Variants in MED15 observed in about 807,000 individuals in gnomAD.
MED15 encodes mediator of RNA polymerase II transcription subunit 15.
In MED15, 41 loss-of-function variants were observed where a neutral mutation model predicts 118.7. That is an observed-to-expected ratio of 0.35 (90% CI 0.27 to 0.45). The LOEUF (loss-of-function observed/expected upper bound fraction) is 0.45, where lower values mean the gene tolerates loss of function less well. MED15 is among the 20% of genes least tolerant of loss of function. The pLI is 1.00. For synonymous variants in MED15, 436 were observed against 413.9 expected, an observed-to-expected ratio of 1.05 and a Z score of -0.65; for missense variants, 740 against 1,025.5, an observed-to-expected ratio of 0.72 and a Z score of 3.80.
At chr22:20,574,073 C>T (rs1569240580) in intron 8 of MED15, 1 of 152,302 alleles carries the variant, frequency 6.6e-6, no homozygotes, top group Non-Finnish European at 1.5e-5. Context: ...AGCCACTCTC[C>T]TGCTGGAGCT....
chr22:20,519,073 C>T (rs1016936477), intron 1 of MED15: 2 of 335,136 alleles, frequency 6.0e-6, no homozygotes, highest in African/African-American at 4.4e-5. Context: ...AGGCTGGTCT[C>T]CAACTCCTGG....
intron 1 of MED15, among the ~76,000 whole-genome samples, chr22:20,520,119 C>T (rs1218765542): frequency 6.6e-6 from 1 of 152,146 alleles, no homozygotes; most frequent in Non-Finnish European, 1.5e-5. Flanking sequence ...GGCAGGGGAC[C>T]AGCAAGGCCC....
chr22:20,531,086 C>T (rs1254523415), intron 1 of MED15, among the ~76,000 whole-genome samples: 1 of 152,164 alleles, frequency 6.6e-6, no homozygotes, highest in Non-Finnish European at 1.5e-5. Context: ...GATAGGGAGG[C>T]GCTGCCAGAT....
At position 20,566,481 on chromosome 22, in the gene MED15, A is replaced by ACAG. The variant is rs775463883; in HGVS notation, c.710_712dup (p.Gln237dup). 7.4e-6 allele frequency: 12 copies of ACAG among 1,611,510 alleles called. No homozygotes were observed. Among genetic ancestry groups the ACAG allele is most frequent in the Non-Finnish European group, 1.0e-5 (12 of 1,179,200 alleles). On this transcript the variant is annotated inframe_insertion, in exon 7 of 18. Transcript: ENST00000263205. Reference sequence around the variant, plus strand: ...TCTGTCTCTAGATACAGCAGCAGCAACAGCAGCTGCAGCGAATAGCACAGC... The same window carrying ACAG: ...TCTGTCTCTAGATACAGCAGCAGCAACAGCAGCAGCTGCAGCGAATAGCACAGC...
chr22:20,517,915 C>T (rs2054309855), intron 1 of MED15, among the ~76,000 whole-genome samples: 1 of 152,152 alleles, frequency 6.6e-6, no homozygotes, highest in Non-Finnish European at 1.5e-5. Flanking sequence ...ATGTCGATTT[C>T]CTCCAAGGGC....
At chr22:20,512,514 G>T (rs1375459551) in intron 1 of MED15, among the ~76,000 whole-genome samples, 1 of 151,136 alleles carries the variant, frequency 6.6e-6, no homozygotes, top group Admixed American at 6.6e-5. Context: ...TACCTATGAA[G>T]CTTGGTACCT....
At chr22:20,526,912 C>T (rs1315787697) in intron 1 of MED15, among the ~76,000 whole-genome samples, 1 of 152,166 alleles carries the variant, frequency 6.6e-6, no homozygotes, top group Admixed American at 6.5e-5. Context: ...GTGATTTATT[C>T]CCTCATTCTG....
chr22:20,526,525 C>T (rs1036200367), intron 1 of MED15, among the ~76,000 whole-genome samples: 10 of 152,312 alleles, frequency 6.6e-5, no homozygotes, highest in African/African-American at 2.4e-4. Context: ...ATATTCACAG[C>T]TGAGCATAGT....
At chr22:20,583,699 C>G (rs750598322) in intron 13 of MED15, 4 of 398,336 alleles carry the variant, frequency 1.0e-5, no homozygotes, top group Non-Finnish European at 1.9e-5. Context: ...ATCAGCTGGC[C>G]CAGATGGGCC....
At chr22:20,537,037 A>T (rs1170527830) in intron 1 of MED15, 80 bp from the exon 2 acceptor site, 17 of 1,333,632 alleles carry the variant, frequency 1.3e-5, no homozygotes, top group Non-Finnish European at 1.4e-5. Context: ...GGCAGCTGCT[A>T]TGCAGGGCCT....
chr22:20,513,302 C>T (rs1186767988), intron 1 of MED15, among the ~76,000 whole-genome samples: 1 of 145,628 alleles, frequency 6.9e-6, no homozygotes, highest in Non-Finnish European at 1.5e-5. Context: ...TTTTTTGAGA[C>T]GGAGTCTCGC....
chr22:20,550,793 A>G (rs2055736624), intron 2 of MED15, among the ~76,000 whole-genome samples: 1 of 152,274 alleles, frequency 6.6e-6, no homozygotes, highest in African/African-American at 2.4e-5. Flanking sequence ...AGCCCCTGCC[A>G]GACAATCTCA....
At chr22:20,582,166 C>T (rs1183207053) in intron 9 of MED15, 42 of 227,646 alleles carry the variant, frequency 1.8e-4, no homozygotes, top group South Asian at 5.1e-4. Flanking sequence ...CTGGGGGCTG[C>T]GGGGGCTTGT....
intron 1 of MED15, among the ~76,000 whole-genome samples, chr22:20,509,758 G>A (rs576799990): frequency 6.6e-6 from 1 of 152,136 alleles, no homozygotes; most frequent in African/African-American, 2.4e-5. Context: ...GTGTTTTACT[G>A]ATAAAATATA....
At chr22:20,513,068 CTTTATTTT>C (rs901621895) in intron 1 of MED15, among the ~76,000 whole-genome samples, 7 of 151,794 alleles carry the variant, frequency 4.6e-5, no homozygotes, top group African/African-American at 1.7e-4. Context: ...CAGTGGTATT[CTTTATTTT>C]TTTATTTTTT....
chr22:20,529,005 C>T (rs2054757008), intron 1 of MED15, among the ~76,000 whole-genome samples: 1 of 152,112 alleles, frequency 6.6e-6, no homozygotes, highest in South Asian at 2.1e-4. Context: ...CTGGCAAAGA[C>T]CTAGGGCTGT....
chr22:20,528,477 A>G (rs142722411), intron 1 of MED15, among the ~76,000 whole-genome samples: 4 of 152,276 alleles, frequency 2.6e-5, no homozygotes, highest in East Asian at 3.9e-4. Flanking sequence ...TCGTGCTCCT[A>G]TGAGAATCTG....
At chr22:20,530,739 A>G (rs1317445903) in intron 1 of MED15, among the ~76,000 whole-genome samples, 1 of 150,790 alleles carries the variant, frequency 6.6e-6, no homozygotes, top group Non-Finnish European at 1.5e-5. Flanking sequence ...CCTCATCAAC[A>G]TGCCTGTGTG....
intron 8 of MED15, among the ~76,000 whole-genome samples, chr22:20,569,289 CCTT>C (rs1012936690): frequency 2.6e-5 from 4 of 152,206 alleles, no homozygotes; most frequent in African/African-American, 4.8e-5. Flanking sequence ...CCCCTCCTCT[CCTT>C]CTTGTGGGGA....
Sources: allele counts gnomAD v4.1 joint callset (sites outside exome capture counted in the v4.1 genomes callset), GRCh38; gene constraint gnomAD v4.1.1; transcripts MANE v1.5; gene names NCBI Gene and HGNC (gene_info 2026-07-23, HGNC 2026-07-21).